Variants in CNTN4 observed in about 807,000 individuals in gnomAD.
The protein encoded by CNTN4 is contactin-4.
A neutral mutation model predicts 122.5 loss-of-function variants in CNTN4; 77 were observed. That is an observed-to-expected ratio of 0.63 (90% CI 0.52 to 0.76). The LOEUF (loss-of-function observed/expected upper bound fraction) is 0.76, where lower values mean the gene tolerates loss of function less well. Ranked by LOEUF, CNTN4 falls within the 30% of genes least tolerant of loss-of-function variation. The pLI, the probability that CNTN4 is intolerant of heterozygous loss-of-function variation, is 0.00. For missense variants in CNTN4, 1,256 were observed against 1,259.1 expected, an observed-to-expected ratio of 1.00 and a Z score of 0.04; for synonymous variants, 512 against 447.0, an observed-to-expected ratio of 1.15 and a Z score of -1.83.
chr3:2,367,096 A>G (rs189944720), intron 3 of CNTN4, among the ~76,000 whole-genome samples: 18 of 152,136 alleles, frequency 1.2e-4, no homozygotes, highest in Admixed American at 5.9e-4. Context: ...TGGTGTGTGT[A>G]TGTGTGTGTA....
chr3:2,876,245 G>A (rs923126092), intron 8 of CNTN4, among the ~76,000 whole-genome samples: 1 of 152,318 alleles, frequency 6.6e-6, no homozygotes, highest in Middle Eastern at 3.4e-3. Context: ...GATGGTGGTG[G>A]TGGTAGAGAA....
At chr3:2,561,699 G>T (rs941548344) in intron 3 of CNTN4, among the ~76,000 whole-genome samples, 4 of 152,134 alleles carry the variant, frequency 2.6e-5, no homozygotes, top group African/African-American at 7.2e-5. Flanking sequence ...AGGAAAGTGA[G>T]GCTAACAGAG....
intron 2 of CNTN4, among the ~76,000 whole-genome samples, chr3:2,193,048 A>T (rs2037659918): frequency 6.6e-6 from 1 of 152,156 alleles, no homozygotes; most frequent in African/African-American, 2.4e-5. Flanking sequence ...AGCCATGGGA[A>T]GACCCAATCT....
chr3:2,451,970 G>A (rs191448058), intron 3 of CNTN4, among the ~76,000 whole-genome samples: 3 of 152,274 alleles, frequency 2.0e-5, no homozygotes, highest in South Asian at 2.1e-4. Flanking sequence ...TTGAAAAGGA[G>A]ATAGATACTA....
chr3:2,653,078 A>G (rs2083437333), intron 4 of CNTN4, among the ~76,000 whole-genome samples: 1 of 152,066 alleles, frequency 6.6e-6, no homozygotes, highest in Non-Finnish European at 1.5e-5. Flanking sequence ...TAATGAAGCT[A>G]ATTTTTTTGT....
At chr3:3,044,751 G>A (rs1048377964) in intron 23 of CNTN4, among the ~76,000 whole-genome samples, 8 of 152,164 alleles carry the variant, frequency 5.3e-5, no homozygotes, top group Non-Finnish European at 8.8e-5. Flanking sequence ...GGGGCTTGTC[G>A]GACAGTGGGC....
At chr3:2,457,238 C>A (rs2049037794) in intron 3 of CNTN4, among the ~76,000 whole-genome samples, 1 of 152,054 alleles carries the variant, frequency 6.6e-6, no homozygotes, top group Non-Finnish European at 1.5e-5. Flanking sequence ...TCCAATGTTG[C>A]ATACAATATT....
chr3:2,534,819 A>ATGC lies in CNTN4; in HGVS notation c.-88-36582_-88-36580dup, dbSNP rs554324649. ...GGCACACCAAATGAGGGAACAATGT[A>ATGC]TGCTGCTGCTGCTGCTGTTGCTGTT... On this transcript the variant is annotated intron_variant, in intron 3 of 24. Coordinates refer to ENST00000418658, the MANE Select transcript of CNTN4 (RefSeq NM_175607.3). Among the ~76,000 whole-genome samples the ATGC allele has an allele frequency of 1.1e-4, 10 of 88,410 alleles. 1 individual carries two copies. Among genetic ancestry groups the ATGC allele is most frequent in the Non-Finnish European group, 2.1e-4 (8 of 37,552 alleles). 58.0% of individuals were successfully genotyped at this position (88,410 alleles called of 152,430 possible).
At chr3:2,448,950 G>A (rs183196208) in intron 3 of CNTN4, among the ~76,000 whole-genome samples, 31 of 152,232 alleles carry the variant, frequency 2.0e-4, no homozygotes, top group African/African-American at 6.5e-4. Flanking sequence ...TCTATCTCCA[G>A]AGGCTTTTAC....
At chr3:2,235,886 G>GCATT (rs1480390792) in intron 2 of CNTN4, among the ~76,000 whole-genome samples, 5 of 152,040 alleles carry the variant, frequency 3.3e-5, no homozygotes, top group Non-Finnish European at 7.4e-5. Context: ...CAAATACGAG[G>GCATT]CATTATCTTG....
At chr3:2,227,700 T>G (rs981181684) in intron 2 of CNTN4, among the ~76,000 whole-genome samples, 19 of 152,284 alleles carry the variant, frequency 1.2e-4, no homozygotes, top group Middle Eastern at 3.4e-3. Context: ...AATTCCATTA[T>G]AATTAACATT....
intron 3 of CNTN4, among the ~76,000 whole-genome samples, chr3:2,372,893 C>G (rs535473644): frequency 6.6e-6 from 1 of 152,038 alleles, no homozygotes; most frequent in South Asian, 2.1e-4. Context: ...ACTAAAAATA[C>G]AAAAATTAGC....
chr3:2,426,609 CT>C (rs1217316384), intron 3 of CNTN4, among the ~76,000 whole-genome samples: 1 of 152,130 alleles, frequency 6.6e-6, no homozygotes, highest in Non-Finnish European at 1.5e-5. Context: ...AGGATTCCTT[CT>C]TTTTCTATTG....
intron 12 of CNTN4, 44 bp downstream of exon 12, chr3:2,903,049 G>T: frequency 6.3e-7 from 1 of 1,590,074 alleles, no homozygotes; most frequent in Non-Finnish European, 8.6e-7. Context: ...AAACTCTTTA[G>T]ATCACTAAAC....
intron 2 of CNTN4, among the ~76,000 whole-genome samples, chr3:2,197,992 G>A (rs2037924304): frequency 1.3e-5 from 2 of 149,516 alleles, no homozygotes; most frequent in Non-Finnish European, 2.9e-5. Flanking sequence ...TCCCACCTGG[G>A]CAACAGAGGA....
At chr3:2,182,222 C>T (rs1049276372) in intron 2 of CNTN4, among the ~76,000 whole-genome samples, 3 of 151,862 alleles carry the variant, frequency 2.0e-5, no homozygotes, top group African/African-American at 7.3e-5. Flanking sequence ...ATCAGCTGTG[C>T]CTTGCTTTTT....
chr3:2,151,053 T>C lies in CNTN4; in HGVS notation c.-145+50414T>C, dbSNP rs1409662870. 3.9e-5 allele frequency among the ~76,000 whole-genome samples: 6 copies of C among 152,116 alleles called. No homozygotes were observed. In the South Asian group the frequency reaches 6.2e-4, roughly 16 times the overall value. ...GGACCCCACAGGAGAAGAAAGACAATAGCTAGTAAGCAAGTAATACATTTT... is the reference window on the plus strand; with the variant it reads ...GGACCCCACAGGAGAAGAAAGACAACAGCTAGTAAGCAAGTAATACATTTT... On this transcript the variant is annotated intron_variant, in intron 2 of 24. Coordinates refer to ENST00000418658, the MANE Select transcript of CNTN4 (RefSeq NM_175607.3).
At chr3:2,856,058 G>A (rs1046576613) in intron 7 of CNTN4, among the ~76,000 whole-genome samples, 2 of 151,920 alleles carry the variant, frequency 1.3e-5, no homozygotes, top group Middle Eastern at 6.3e-3. Context: ...TAACACTTTG[G>A]GCCTGGAGTT....
chr3:2,413,788 G>A (rs557188999), intron 3 of CNTN4, among the ~76,000 whole-genome samples: 162 of 152,204 alleles, frequency 1.1e-3, no homozygotes, highest in Middle Eastern at 6.8e-3. Flanking sequence ...TGATCCACCT[G>A]CCTCGGCCTC....
Sources: allele counts gnomAD v4.1 joint callset (sites outside exome capture counted in the v4.1 genomes callset), GRCh38; gene constraint gnomAD v4.1.1; transcripts MANE v1.5; gene names NCBI Gene and HGNC (gene_info 2026-07-23, HGNC 2026-07-21).